Variants in PHLPP1 observed in about 807,000 individuals in gnomAD.
PHLPP1 encodes PH domain and leucine rich repeat protein phosphatase 1.
A neutral mutation model predicts 117.2 loss-of-function variants in PHLPP1; 42 were observed. The observed-to-expected ratio is 0.36, with a 90% CI of 0.28 to 0.46. The LOEUF (loss-of-function observed/expected upper bound fraction) is 0.46. PHLPP1 is among the 20% of genes least tolerant of loss of function. The pLI, the probability that PHLPP1 is intolerant of heterozygous loss-of-function variation, is 1.00. For synonymous variants in PHLPP1, 1,042 were observed against 970.7 expected (o/e 1.07, Z -1.37); for missense variants, 2,084 against 2,241.9 (o/e 0.93, Z 1.42).
intron 6 of PHLPP1, among the ~76,000 whole-genome samples, chr18:62,899,131 A>G (rs146674182): frequency 6.6e-6 from 1 of 152,338 alleles, no homozygotes; most frequent in East Asian, 1.9e-4. Flanking sequence ...AAACTTGCAC[A>G]GTGAGTTGCA....
intron 14 of PHLPP1, 45 bp downstream of exon 14, chr18:62,963,517 C>A: frequency 8.2e-7 from 1 of 1,214,124 alleles, no homozygotes; most frequent in Non-Finnish European, 1.2e-6. Flanking sequence ...TCCTGCCTGT[C>A]TCACTCCTTT....
intron 10 of PHLPP1, among the ~76,000 whole-genome samples, chr18:62,921,832 A>G (rs913342867): frequency 1.3e-5 from 2 of 152,208 alleles, no homozygotes; most frequent in Non-Finnish European, 1.5e-5. Context: ...TTACATATTT[A>G]TGGAAATGGT....
In PHLPP1 at chr18:62,871,377, G is replaced by GAC. The variant is rs1915896893; in HGVS notation, c.2066+10777_2066+10778insCA. Among the ~76,000 whole-genome samples, 7 of 152,044 alleles carry GAC rather than the reference G, an allele frequency of 4.6e-5. No individual in the cohort carries two copies. The South Asian group carries it at 1.5e-3, about 32-fold the overall frequency. On this transcript the variant is annotated intron_variant, in intron 4 of 16. Transcript: ENST00000262719. ...AATTTCACTCTTGTCACCCAGGCTG[G>GAC]AGTGCAGTGGTGCAATCTCGGCTCA...
intron 4 of PHLPP1, among the ~76,000 whole-genome samples, chr18:62,872,814 C>T (rs1255920865): frequency 6.6e-6 from 1 of 151,718 alleles, no homozygotes; most frequent in Non-Finnish European, 1.5e-5. Context: ...TGGTAAAATC[C>T]CGCCACTACT....
At chr18:62,750,466 CT>C (rs1911811993) in intron 1 of PHLPP1, among the ~76,000 whole-genome samples, 1 of 152,150 alleles carries the variant, frequency 6.6e-6, no homozygotes, top group South Asian at 2.1e-4. Context: ...TATAGCCACT[CT>C]CTTTTACGTA....
intron 10 of PHLPP1, among the ~76,000 whole-genome samples, chr18:62,925,552 G>T (rs1385282960): frequency 6.6e-6 from 1 of 150,582 alleles, no homozygotes; most frequent in Admixed American, 6.6e-5. Context: ...GACTAAAAGG[G>T]AACAGAAAAT....
chr18:62,764,095 G>A (rs1912365257), intron 1 of PHLPP1, among the ~76,000 whole-genome samples: 2 of 149,504 alleles, frequency 1.3e-5, no homozygotes, highest in Admixed American at 1.3e-4. Flanking sequence ...CCCGGCAGGC[G>A]GAGGTTGCAG....
At chr18:62,948,495 T>G (rs1910362527) in intron 12 of PHLPP1, among the ~76,000 whole-genome samples, 1 of 152,224 alleles carries the variant, frequency 6.6e-6, no homozygotes, top group African/African-American at 2.4e-5. Flanking sequence ...TCTCTGTACC[T>G]GCTTTACAAC....
intron 1 of PHLPP1, among the ~76,000 whole-genome samples, chr18:62,766,073 A>C (rs1445837830): frequency 3.6e-5 from 2 of 55,388 alleles, no homozygotes; most frequent in African/African-American, 1.1e-4. Flanking sequence ...AAAAAAAAAA[A>C]AAAATATATA....
At chr18:62,858,552 C>T (rs1915555565) in intron 3 of PHLPP1, among the ~76,000 whole-genome samples, 1 of 152,132 alleles carries the variant, frequency 6.6e-6, no homozygotes, top group African/African-American at 2.4e-5. Flanking sequence ...TGTGAGCCAC[C>T]ATACCTGATC....
intron 16 of PHLPP1, among the ~76,000 whole-genome samples, chr18:62,976,046 G>A (rs764785982): frequency 3.9e-5 from 6 of 152,204 alleles, no homozygotes; most frequent in Non-Finnish European, 7.3e-5. Context: ...ATCTTACAAG[G>A]TTGGTATGAC....
At chr18:62,728,283 A>C (rs942409818) in intron 1 of PHLPP1, among the ~76,000 whole-genome samples, 1 of 149,150 alleles carries the variant, frequency 6.7e-6, no homozygotes, top group African/African-American at 2.6e-5. Flanking sequence ...CAATGGAGTG[A>C]GACTGACTCA....
intron 13 of PHLPP1, among the ~76,000 whole-genome samples, chr18:62,962,224 T>A (rs1910789917): frequency 6.6e-6 from 1 of 152,238 alleles, no homozygotes; most frequent in Non-Finnish European, 1.5e-5. Flanking sequence ...AATGACTCCC[T>A]GTTTAGGGGC....
chr18:62,943,638 C>T (rs372831408), intron 11 of PHLPP1, among the ~76,000 whole-genome samples: 6 of 152,032 alleles, frequency 3.9e-5, no homozygotes, highest in Admixed American at 6.6e-5. Flanking sequence ...CAGGGTCTTG[C>T]GTGAATGCAC....
chr18:62,866,643 T>C (rs778627598), intron 4 of PHLPP1, among the ~76,000 whole-genome samples: 1 of 152,186 alleles, frequency 6.6e-6, no homozygotes, highest in Non-Finnish European at 1.5e-5. Context: ...AATCCAAACA[T>C]TTTAAACCTA....
rs1290285643 is a variant in PHLPP1 at position 62,716,947 on chromosome 18, G to A, written c.1264G>A (p.Ala422Thr). 4 of 1,537,376 alleles carry A rather than the reference G, an allele frequency of 2.6e-6. No homozygotes were observed. Among genetic ancestry groups the A allele is most frequent in the Non-Finnish European group, 3.5e-6 (4 of 1,145,966 alleles). The stretch of plus-strand genomic sequence containing the variant: ...TCAGCCGCAGCAGAAAGCCCCGAGG[G>A]CCATTGACAGCCCGGGCGGGGCCGT... Reference protein sequence around the residue: ...SPQPQQKAPRAIDSPGGAVRE... With the variant: ...SPQPQQKAPRTIDSPGGAVRE... Residue 422 changes from alanine (A) to threonine (T), a missense_variant, in exon 1 of 17, where the codon GCC (alanine) becomes ACC (threonine). Transcript: ENST00000262719. The surrounding 1 kb of genome is among the most constrained non-coding windows in gnomAD (Gnocchi z 5.7).
At chr18:62,760,194 G>A (rs964167472) in intron 1 of PHLPP1, among the ~76,000 whole-genome samples, 7 of 152,130 alleles carry the variant, frequency 4.6e-5, no homozygotes, top group African/African-American at 1.7e-4. Flanking sequence ...TATTTCCAGT[G>A]TCTCTTGAAA....
Position 62,717,093 on chromosome 18 carries a change from C to T in PHLPP1, c.1410C>T (p.Thr470=), listed in dbSNP as rs1226730051. Residue 470 remains threonine, a synonymous_variant, in exon 1 of 17, where the codon ACC becomes ACT. Transcript: ENST00000262719. ...CGCCTCCGCCGCCCCCGCCGCCCACCCTGTACGTGCAGCTCCACGGAGAGA... is the reference window on the plus strand; with the variant it reads ...CGCCTCCGCCGCCCCCGCCGCCCACTCTGTACGTGCAGCTCCACGGAGAGA... ...EKAPPPPPPP[T]LYVQLHGETT... 1.9e-6 allele frequency: 3 copies of T among 1,555,710 alleles called. No homozygotes were observed. Among genetic ancestry groups the T allele is most frequent in the African/African-American group, 1.4e-5 (1 of 73,598 alleles).
Position 62,975,334 on chromosome 18 carries a change from G to C in PHLPP1, c.3756-63G>C, listed in dbSNP as rs1445095615. 5 of 1,143,240 alleles carry C rather than the reference G, an allele frequency of 4.4e-6. No homozygotes were observed. The African/African-American group carries it at 7.6e-5, about 17-fold the overall frequency. The allele number at this position is 1,143,240 out of a possible 1,614,324, so 70.8% of individuals were successfully genotyped here. ...TGTCCAGTGGTGCGGTCTTGCTGTTGAATTTGCAGAACTGGCACTGATGGG... is the reference window on the plus strand; with the variant it reads ...TGTCCAGTGGTGCGGTCTTGCTGTTCAATTTGCAGAACTGGCACTGATGGG... On this transcript the variant is annotated intron_variant, in intron 15 of 16. Coordinates refer to ENST00000262719, the MANE Select transcript of PHLPP1 (RefSeq NM_194449.4).
Sources: allele counts gnomAD v4.1 joint callset (sites outside exome capture counted in the v4.1 genomes callset), GRCh38; gene constraint gnomAD v4.1.1; non-coding constraint Gnocchi (gnomAD v3.1); transcripts MANE v1.5; gene names NCBI Gene and HGNC (gene_info 2026-07-23, HGNC 2026-07-21).